The following AUTS2 variants were observed in gnomAD, a reference collection of about 807,000 sequenced individuals.
The protein encoded by AUTS2 is autism susceptibility gene 2 protein.
Under a neutral mutation model 112.4 loss-of-function variants are expected in AUTS2, and 17 were observed. The ratio of observed to expected loss-of-function variants is 0.15; its 90% CI spans 0.10 to 0.23. The LOEUF is 0.23. AUTS2 is among the 10% of genes least tolerant of loss of function. The pLI, the probability that AUTS2 is intolerant of heterozygous loss-of-function variation, is 1.00. For synonymous variants in AUTS2, 751 were observed against 702.7 expected, an observed-to-expected ratio of 1.07 and a Z score of -1.09; for missense variants, 1,510 against 1,701.6, an observed-to-expected ratio of 0.89 and a Z score of 1.98.
At chr7:70,435,643 C>T in intron 4 of AUTS2, 109 bp from the exon 5 acceptor site, 5 of 1,077,064 alleles carry the variant, frequency 4.6e-6, no homozygotes, top group Admixed American at 1.9e-5. Flanking sequence ...TTTTTATTTC[C>T]TTTACTTATC....
At chr7:70,385,467 A>G (rs993308796) in intron 4 of AUTS2, among the ~76,000 whole-genome samples, 2 of 152,238 alleles carry the variant, frequency 1.3e-5, no homozygotes, top group African/African-American at 4.8e-5. Flanking sequence ...ACAAGTATCA[A>G]CACAACCCAA....
intron 1 of AUTS2, among the ~76,000 whole-genome samples, chr7:69,702,024 A>G (rs2129189146): frequency 6.6e-6 from 1 of 152,350 alleles, no homozygotes; most frequent in South Asian, 2.1e-4. Context: ...CAGAGCTAGA[A>G]GGAACATGAG....
At chr7:69,685,810 G>A (rs1797040838) in intron 1 of AUTS2, among the ~76,000 whole-genome samples, 1 of 151,332 alleles carries the variant, frequency 6.6e-6, no homozygotes, top group Non-Finnish European at 1.5e-5. Flanking sequence ...CTCCTAAAGT[G>A]CTAGAATTAC....
At chr7:70,523,357 G>A (rs932799688) in intron 5 of AUTS2, among the ~76,000 whole-genome samples, 1 of 152,198 alleles carries the variant, frequency 6.6e-6, no homozygotes, top group Non-Finnish European at 1.5e-5. Flanking sequence ...CCTTTTGATA[G>A]GAGTTGAATA....
chr7:69,841,296 A>G (rs1791970060), intron 1 of AUTS2, among the ~76,000 whole-genome samples: 3 of 152,144 alleles, frequency 2.0e-5, no homozygotes, highest in Non-Finnish European at 4.4e-5. Flanking sequence ...CAGCTTCTAG[A>G]AGGAGGAGAG....
At chr7:70,658,795 A>G (rs1806915436) in intron 5 of AUTS2, among the ~76,000 whole-genome samples, 1 of 152,302 alleles carries the variant, frequency 6.6e-6, no homozygotes, top group Non-Finnish European at 1.5e-5. Flanking sequence ...GTGCGAGGGG[A>G]GTGGAGAAAT....
intron 1 of AUTS2, among the ~76,000 whole-genome samples, chr7:69,848,169 A>G (rs1468696211): frequency 2.0e-5 from 3 of 152,182 alleles, no homozygotes; most frequent in Non-Finnish European, 2.9e-5. Context: ...TTCCTTCCTT[A>G]ACATGATTGG....
chr7:70,116,500 T>C (rs1278366851), intron 2 of AUTS2, among the ~76,000 whole-genome samples: 3 of 152,192 alleles, frequency 2.0e-5, no homozygotes, highest in African/African-American at 2.4e-5. Flanking sequence ...AATTTCCTAC[T>C]TATTGCCTCT....
chr7:70,359,718 C>A (rs763438438), intron 4 of AUTS2, among the ~76,000 whole-genome samples: 3 of 152,196 alleles, frequency 2.0e-5, no homozygotes, highest in Non-Finnish European at 4.4e-5. Context: ...CACCCCACCT[C>A]CCAACACTGC....
At chr7:70,614,531 T>C (rs1804253932) in intron 5 of AUTS2, among the ~76,000 whole-genome samples, 1 of 152,202 alleles carries the variant, frequency 6.6e-6, no homozygotes, top group Non-Finnish European at 1.5e-5. Flanking sequence ...AGTGGTGAAA[T>C]TATTCCTTCC....
At chr7:69,759,594 A>C (rs927426977) in intron 1 of AUTS2, among the ~76,000 whole-genome samples, 14 of 152,100 alleles carry the variant, frequency 9.2e-5, no homozygotes, top group African/African-American at 3.4e-4. Flanking sequence ...TAGGGCCTCA[A>C]ACGCCTGGAC....
intron 1 of AUTS2, among the ~76,000 whole-genome samples, chr7:69,849,044 TG>T (rs1163682250): frequency 1.3e-5 from 2 of 152,094 alleles, no homozygotes; most frequent in Non-Finnish European, 2.9e-5. Context: ...TAGCCAGTTG[TG>T]GTGGCGTGCG....
At chr7:70,677,217 T>C (rs1807960657) in intron 5 of AUTS2, among the ~76,000 whole-genome samples, 1 of 152,182 alleles carries the variant, frequency 6.6e-6, no homozygotes, top group African/African-American at 2.4e-5. Context: ...TGTCCAGGTG[T>C]AGTCCTTGGT....
At chr7:70,562,199 C>T (rs905131028) in intron 5 of AUTS2, among the ~76,000 whole-genome samples, 2 of 152,224 alleles carry the variant, frequency 1.3e-5, no homozygotes, top group Admixed American at 6.5e-5. Context: ...TATCCACCCT[C>T]AGGTATTCCT....
intron 2 of AUTS2, among the ~76,000 whole-genome samples, chr7:69,958,337 G>A (rs1797299225): frequency 6.6e-6 from 1 of 152,024 alleles, no homozygotes. Context: ...TTACTTTCTG[G>A]CCCTTTACTG....
chr7:70,583,511 G>C (rs1003865720), intron 5 of AUTS2, among the ~76,000 whole-genome samples: 3 of 152,216 alleles, frequency 2.0e-5, no homozygotes, highest in Non-Finnish European at 4.4e-5. Context: ...TTCATGGGAG[G>C]GGCGGAGGCA....
chr7:69,932,640 A>C (rs976540371), intron 2 of AUTS2, among the ~76,000 whole-genome samples: 2 of 152,228 alleles, frequency 1.3e-5, no homozygotes, highest in Non-Finnish European at 2.9e-5. Flanking sequence ...TCTGTTGATT[A>C]GTACAGTTTG....
chr7:69,713,865 G>T (rs1446847284), intron 1 of AUTS2, among the ~76,000 whole-genome samples: 2 of 152,090 alleles, frequency 1.3e-5, no homozygotes, highest in Admixed American at 6.6e-5. Flanking sequence ...ACTTAACGGT[G>T]TCTTTTGAAT....
intron 4 of AUTS2, among the ~76,000 whole-genome samples, chr7:70,190,641 T>C (rs1189164960): frequency 6.6e-6 from 1 of 152,176 alleles, no homozygotes; most frequent in Non-Finnish European, 1.5e-5. Context: ...TTGGAGTTGA[T>C]TACTATAGAA....
Sources: allele counts gnomAD v4.1 joint callset (sites outside exome capture counted in the v4.1 genomes callset), GRCh38; gene constraint gnomAD v4.1.1; transcripts MANE v1.5; gene names NCBI Gene and HGNC (gene_info 2026-07-23, HGNC 2026-07-21).